Variants in SYT17 observed in about 807,000 individuals in gnomAD.
SYT17 encodes synaptotagmin-17.
Under a neutral mutation model 46.7 loss-of-function variants are expected in SYT17, and 22 were observed. The observed-to-expected ratio is 0.47, with a 90% confidence interval of 0.34 to 0.67. The LOEUF (loss-of-function observed/expected upper bound fraction) is 0.67, where lower values mean the gene tolerates loss of function less well. Ranked by LOEUF, SYT17 falls within the 30% of genes least tolerant of loss-of-function variation. The pLI is 0.01. For synonymous variants in SYT17, 251 were observed against 248.4 expected (o/e 1.01, Z -0.10); for missense variants, 519 against 612.8 (o/e 0.85, Z 1.62).
At chr16:19,249,173 C>G (rs1330408358) in intron 7 of SYT17, among the ~76,000 whole-genome samples, 1 of 152,056 alleles carries the variant, frequency 6.6e-6, no homozygotes, top group Non-Finnish European at 1.5e-5. Context: ...ACTCAGGAGG[C>G]TGAGGCAGGA....
intron 7 of SYT17, among the ~76,000 whole-genome samples, chr16:19,261,344 C>A (rs969132596): frequency 2.0e-5 from 3 of 152,184 alleles, no homozygotes; most frequent in African/African-American, 7.2e-5. Context: ...ATTTACACTG[C>A]CTGCTAATTA....
At chr16:19,240,690 A>G (rs1405299496) in intron 7 of SYT17, among the ~76,000 whole-genome samples, 3 of 152,150 alleles carry the variant, frequency 2.0e-5, no homozygotes, top group Non-Finnish European at 4.4e-5. Flanking sequence ...ACCAGGGACC[A>G]GCCCTCTTCT....
At chr16:19,249,821 G>A (rs1284902777) in intron 7 of SYT17, 8 of 1,037,572 alleles carry the variant, frequency 7.7e-6, no homozygotes, top group Non-Finnish European at 9.5e-6. Flanking sequence ...TGCATGGTCT[G>A]TTATTGGAGT....
At chr16:19,247,856 G>T (rs1176922021) in intron 7 of SYT17, among the ~76,000 whole-genome samples, 1 of 152,172 alleles carries the variant, frequency 6.6e-6, no homozygotes, top group Non-Finnish European at 1.5e-5. Flanking sequence ...TTTTTGCAAT[G>T]AGTGAAAAAG....
chr16:19,218,249 T>G (rs567292254), intron 5 of SYT17, among the ~76,000 whole-genome samples: 7 of 152,332 alleles, frequency 4.6e-5, no homozygotes, highest in Admixed American at 1.3e-4. Context: ...ACATGAGCGT[T>G]TATTAAATGA....
chr16:19,189,326 A>G (rs1048377772), intron 5 of SYT17, among the ~76,000 whole-genome samples: 8 of 146,302 alleles, frequency 5.5e-5, no homozygotes, highest in Admixed American at 1.4e-4. Context: ...GGGGGTTAGG[A>G]CCTCAACCTG....
At chr16:19,213,253 C>T (rs1368370431) in intron 5 of SYT17, among the ~76,000 whole-genome samples, 6 of 152,290 alleles carry the variant, frequency 3.9e-5, no homozygotes, top group South Asian at 4.1e-4. Context: ...TTATCCCTAA[C>T]GTAGCTTGTC....
intron 7 of SYT17, among the ~76,000 whole-genome samples, chr16:19,249,235 C>T (rs1967833217): frequency 6.6e-6 from 1 of 151,878 alleles, no homozygotes; most frequent in African/African-American, 2.4e-5. Context: ...GATCATGCCA[C>T]GGCACTCCAG....
At chr16:19,173,378 G>GCCCCCCCCCC in intron 2 of SYT17, 52 bp from the exon 3 acceptor site, 3 of 222,874 alleles carry the variant, frequency 1.3e-5, no homozygotes, top group Admixed American at 9.1e-5. Flanking sequence ...TCCCCACCCT[G>GCCCCCCCCCC]CCCACCTCCC....
chr16:19,180,255 G>T, intron 3 of SYT17, 136 bp from the exon 4 acceptor site: 1 of 898,410 alleles, frequency 1.1e-6, no homozygotes, highest in South Asian at 1.6e-5. Context: ...ACACCACACT[G>T]TCAAATTTGC....
chr16:19,265,225 T>G (rs1170485698), intron 7 of SYT17, among the ~76,000 whole-genome samples: 1 of 152,232 alleles, frequency 6.6e-6, no homozygotes, highest in Non-Finnish European at 1.5e-5. Flanking sequence ...CAATTTCATT[T>G]ATTAAGCAAA....
At chr16:19,198,263 A>T (rs1965330172) in intron 5 of SYT17, among the ~76,000 whole-genome samples, 1 of 152,154 alleles carries the variant, frequency 6.6e-6, no homozygotes, top group African/African-American at 2.4e-5. Context: ...TGATCTCAGT[A>T]GTACTTAATT....
intron 7 of SYT17, among the ~76,000 whole-genome samples, chr16:19,233,585 G>A (rs1480957987): frequency 6.6e-6 from 1 of 152,068 alleles, no homozygotes; most frequent in Non-Finnish European, 1.5e-5. Context: ...GAGTCCAGGA[G>A]GTCAAGGCTG....
chr16:19,241,299 GGGA>G (rs1402071162), intron 7 of SYT17, among the ~76,000 whole-genome samples: 1 of 152,082 alleles, frequency 6.6e-6, no homozygotes, highest in Non-Finnish European at 1.5e-5. Context: ...GCTGAAAGCA[GGGA>G]GGAGCCAGGC....
rs369909963 is a variant in SYT17, at chr16:19,266,911, C to A, written c.1260C>A (p.Asp420Glu). Reference sequence around the variant, plus strand: ...GCCACAACATGAAGAGCAGCAATGACTTCATCGGGAGGATCGTCATTGGCC... The same window carrying A: ...GCCACAACATGAAGAGCAGCAATGAATTCATCGGGAGGATCGTCATTGGCC... ...VFGHNMKSSN[D>E]FIGRIVIGQY... The change falls in exon 8 of 8, where the codon GAC (aspartate) becomes GAA (glutamate). Residue 420 changes from aspartate to glutamate, a missense_variant. Physicochemically the swap from Asp to Glu is conservative, Grantham distance 45. Coordinates refer to ENST00000355377, the MANE Select transcript of SYT17 (RefSeq NM_016524.4). The A allele has an allele frequency of 1.2e-6, 2 of 1,613,572 alleles. No individual in the cohort carries two copies. The highest frequency in any genetic ancestry group is 1.7e-6 in the Non-Finnish European group (2 of 1,179,964).
chr16:19,172,976 C>T (rs1258504165), intron 2 of SYT17, 199 bp downstream of exon 2: 9 of 632,070 alleles, frequency 1.4e-5, no homozygotes, highest in Non-Finnish European at 2.2e-5. Flanking sequence ...ACAAGTTTCC[C>T]TCTCCACCCC....
At chr16:19,221,937 T>C (rs1330608667) in intron 5 of SYT17, among the ~76,000 whole-genome samples, 3 of 151,950 alleles carry the variant, frequency 2.0e-5, no homozygotes, top group African/African-American at 7.3e-5. Flanking sequence ...TGAATGAAGG[T>C]GTAAGTGAGG....
intron 5 of SYT17, chr16:19,211,466 A>G (rs1965897342): frequency 1.4e-6 from 1 of 703,716 alleles, no homozygotes; most frequent in Non-Finnish European, 2.6e-6. Context: ...AGGACCAAGT[A>G]CCGTGAAGGA....
In SYT17 at chr16:19,268,298, T is replaced by A. The variant is rs201533687; in HGVS notation, c.*1222T>A. On this transcript the variant is annotated 3_prime_UTR_variant, in exon 8 of 8. Coordinates refer to ENST00000355377, the MANE Select transcript of SYT17 (RefSeq NM_016524.4). ...TAATGTCTGGTGTGATGGGGAGCTATTTATTGAAATTAAAGATTATTTATT... is the reference window on the plus strand; with the variant it reads ...TAATGTCTGGTGTGATGGGGAGCTAATTATTGAAATTAAAGATTATTTATT... The A allele has an allele frequency of 5.3e-5, 8 of 152,322 alleles. No homozygotes were observed. In the East Asian group the frequency reaches 1.2e-3, roughly 22 times the overall value. The allele number at this position is 152,322 out of a possible 1,614,324, so 9.4% of individuals were successfully genotyped here.
Sources: allele counts gnomAD v4.1 joint callset (sites outside exome capture counted in the v4.1 genomes callset), GRCh38; gene constraint gnomAD v4.1.1; transcripts MANE v1.5; gene names NCBI Gene and HGNC (gene_info 2026-07-23, HGNC 2026-07-21).